Variants in ZNF609 observed in about 807,000 individuals in gnomAD.
ZNF609 encodes zinc finger protein 609.
ZNF609 carries 11 observed loss-of-function variants against 109.5 expected under a neutral mutation model. That is an observed-to-expected ratio of 0.10 (90% CI 0.06 to 0.17). The LOEUF (loss-of-function observed/expected upper bound fraction) is 0.17. ZNF609 is among the 10% of genes least tolerant of loss of function. The pLI, the probability that ZNF609 is intolerant of heterozygous loss-of-function variation, is 1.00. For synonymous variants in ZNF609, 646 were observed against 662.0 expected (o/e 0.98, Z 0.37); for missense variants, 1,559 against 1,772.4 (o/e 0.88, Z 2.16).
At position 64,626,636 on chromosome 15, in the gene ZNF609, T is replaced by G. The variant is rs115074778; in HGVS notation, c.973+3584T>G. Among the ~76,000 whole-genome samples, 368 of 152,308 alleles carry G rather than the reference T, an allele frequency of 2.4e-3. 2 individuals carry two copies. The highest frequency in any genetic ancestry group is 8.5e-3 in the African/African-American group (355 of 41,582). ...TGAGCCACCTTGCTGAGAACAGGTA[T>G]AGGAGTCATGGCCTCAATTATTCCT... On this transcript the variant is annotated intron_variant, in intron 3 of 9. Transcript: ENST00000326648.
chr15:64,494,822 G>A (rs1466791327), intron 1 of ZNF609, among the ~76,000 whole-genome samples: 1 of 152,126 alleles, frequency 6.6e-6, no homozygotes, highest in African/African-American at 2.4e-5. Context: ...ACCTTGCCTG[G>A]CATCATCATA....
At chr15:64,644,883 CTTACTGTGCTTTGA>C (rs1896307354) in intron 3 of ZNF609, among the ~76,000 whole-genome samples, 1 of 152,154 alleles carries the variant, frequency 6.6e-6, no homozygotes, top group South Asian at 2.1e-4. Context: ...GTTAGCTACC[CTTACTGTGCTTTGA>C]ATTCAAAGCA....
intron 3 of ZNF609, among the ~76,000 whole-genome samples, chr15:64,658,877 A>G (rs1305814240): frequency 6.6e-6 from 1 of 151,992 alleles, no homozygotes; most frequent in Admixed American, 6.5e-5. Flanking sequence ...AGGAATTAAA[A>G]TTTAGAAACT....
chr15:64,673,193 T>G (rs1054663261), intron 4 of ZNF609, among the ~76,000 whole-genome samples: 1 of 152,202 alleles, frequency 6.6e-6, no homozygotes, highest in African/African-American at 2.4e-5. Flanking sequence ...TTGACAAAAT[T>G]TGCCTCTTTT....
intron 2 of ZNF609, among the ~76,000 whole-genome samples, chr15:64,576,926 G>A (rs1567018958): frequency 8.8e-6 from 1 of 114,014 alleles, no homozygotes; most frequent in East Asian, 2.3e-4. Flanking sequence ...ACATATATGT[G>A]TATATATACA....
chr15:64,545,156 G>T (rs760362907), intron 2 of ZNF609, among the ~76,000 whole-genome samples: 9 of 152,080 alleles, frequency 5.9e-5, no homozygotes, highest in Non-Finnish European at 1.2e-4. Flanking sequence ...TAAAAGGTGG[G>T]GAATGGGGTT....
At chr15:64,513,586 A>G (rs955645893) in intron 2 of ZNF609, among the ~76,000 whole-genome samples, 3 of 152,238 alleles carry the variant, frequency 2.0e-5, no homozygotes, top group East Asian at 3.8e-4. Context: ...GAAGCTTGAC[A>G]TACTGGCTCC....
intron 2 of ZNF609, among the ~76,000 whole-genome samples, chr15:64,550,016 T>A (rs751071902): frequency 9.2e-5 from 14 of 152,014 alleles, no homozygotes; most frequent in South Asian, 4.2e-4. Flanking sequence ...CAGGCTGGAG[T>A]GCCATCACAG....
intron 1 of ZNF609, among the ~76,000 whole-genome samples, chr15:64,463,895 A>C (rs1329461824): frequency 6.6e-6 from 1 of 152,214 alleles, no homozygotes; most frequent in East Asian, 1.9e-4. Context: ...GAATGCTGTC[A>C]GGTGACAGTG....
chr15:64,531,427 C>T (rs950827573), intron 2 of ZNF609, among the ~76,000 whole-genome samples: 2 of 152,074 alleles, frequency 1.3e-5, no homozygotes, highest in African/African-American at 4.8e-5. Flanking sequence ...GGGACAGTCT[C>T]GCTCTGTCAC....
intron 3 of ZNF609, among the ~76,000 whole-genome samples, chr15:64,623,328 A>G (rs1389990074): frequency 1.3e-5 from 2 of 152,162 alleles, no homozygotes; most frequent in East Asian, 3.9e-4. Flanking sequence ...CTGTATCTGT[A>G]CTCTCCATAT....
intron 3 of ZNF609, among the ~76,000 whole-genome samples, chr15:64,638,952 A>G (rs1384798606): frequency 6.6e-6 from 1 of 151,716 alleles, no homozygotes; most frequent in Non-Finnish European, 1.5e-5. Flanking sequence ...CCTATTCTCA[A>G]TCAGCATGTT....
chr15:64,552,847 A>G (rs1000472471), intron 2 of ZNF609, among the ~76,000 whole-genome samples: 1 of 152,088 alleles, frequency 6.6e-6, no homozygotes, highest in African/African-American at 2.4e-5. Flanking sequence ...GGGTTTCACT[A>G]TGTTGACCAG....
At chr15:64,569,360 C>T (rs1894826115) in intron 2 of ZNF609, among the ~76,000 whole-genome samples, 1 of 152,042 alleles carries the variant, frequency 6.6e-6, no homozygotes, top group South Asian at 2.1e-4. Context: ...TAGAAAAATG[C>T]CTGACACATA....
chr15:64,524,288 G>A (rs530448811), intron 2 of ZNF609, among the ~76,000 whole-genome samples: 4 of 152,190 alleles, frequency 2.6e-5, no homozygotes, highest in South Asian at 2.1e-4. Flanking sequence ...GCCTTTGGCC[G>A]GGCGCAGTGG....
intron 2 of ZNF609, among the ~76,000 whole-genome samples, chr15:64,557,569 C>G (rs1894609548): frequency 6.6e-6 from 1 of 151,978 alleles, no homozygotes; most frequent in Admixed American, 6.5e-5. Context: ...TTTATGAAGT[C>G]TCATAAATTT....
chr15:64,508,863 T>G (rs1893676169), intron 2 of ZNF609, among the ~76,000 whole-genome samples: 1 of 57,864 alleles, frequency 1.7e-5, no homozygotes, highest in Admixed American at 2.8e-4. Context: ...CCCAACTAAT[T>G]TTTAAATTTT....
rs185828606 is a variant in ZNF609, at chr15:64,570,161, G to A, written c.748-52666G>A. On this transcript the variant is annotated intron_variant, in intron 2 of 9. Coordinates refer to ENST00000326648, the MANE Select transcript of ZNF609 (RefSeq NM_015042.2). The stretch of plus-strand genomic sequence containing the variant: ...AGGCGTGAGCCACTGTGCCTGACTG[G>A]CCGAGAGCTCTCTTATTCCCACTTT... Among the ~76,000 whole-genome samples the A allele has an allele frequency of 1.5e-3, 227 of 152,304 alleles. 1 individual carries two copies. The highest frequency in any genetic ancestry group is 4.0e-3 in the Admixed American group (61 of 15,286).
At chr15:64,632,634 A>AT (rs759172675) in intron 3 of ZNF609, among the ~76,000 whole-genome samples, 40 of 151,546 alleles carry the variant, frequency 2.6e-4, no homozygotes, top group Non-Finnish European at 4.7e-4. Context: ...CGCCTGGCTG[A>AT]TTTTTTTTGT....
Sources: gnomAD v4.1 joint callset for allele counts (sites outside exome capture counted in the v4.1 genomes callset) on GRCh38, gnomAD v4.1.1 for gene constraint, MANE v1.5 for transcripts, NCBI Gene and HGNC (gene_info 2026-07-23, HGNC 2026-07-21) for gene names.